The following LTBP2 variants were observed in gnomAD, a reference collection of about 807,000 sequenced individuals.
LTBP2 encodes latent transforming growth factor beta binding protein 2, also known as latent-transforming growth factor beta-binding protein 2.
In LTBP2, 103 loss-of-function variants were observed where a neutral mutation model predicts 210.6. That is an observed-to-expected ratio of 0.49 (90% confidence interval 0.42 to 0.58). LTBP2 has a LOEUF of 0.58. Ranked by LOEUF, LTBP2 falls within the 20% of genes least tolerant of loss-of-function variation. The pLI is 0.00. For missense variants in LTBP2, 2,313 were observed against 2,494.5 expected, an observed-to-expected ratio of 0.93 and a Z score of 1.55; for synonymous variants, 1,007 against 1,015.0, an observed-to-expected ratio of 0.99 and a Z score of 0.15.
Position 74,508,028 on chromosome 14 carries a change from G to C in LTBP2, c.3720C>G (p.Phe1240Leu). The C allele has an allele frequency of 6.2e-7, 1 of 1,613,986 alleles. No homozygotes were observed. The highest frequency in any genetic ancestry group is 2.2e-5 in the East Asian group (1 of 44,878). Residue 1240 changes from phenylalanine (F) to leucine (L), a missense_variant, in exon 25 of 36, where the codon TTC becomes TTG. Around this residue, in one of 3 missense-constraint regions of LTBP2, gnomAD observed 1,867 missense variants for 1,976.9 expected, o/e 0.94. Coordinates refer to ENST00000261978, the MANE Select transcript of LTBP2 (RefSeq NM_000428.3). ...GGHCVNTEGS[F>L]NCLCETGFQP... Reference sequence around the variant, plus strand: ...GGAAGCCAGTCTCACATAGACAGTTGAAGGAGCCCTCGGTGTTGACACAGT... The same window carrying C: ...GGAAGCCAGTCTCACATAGACAGTTCAAGGAGCCCTCGGTGTTGACACAGT...
intron 2 of LTBP2, among the ~76,000 whole-genome samples, chr14:74,590,456 T>A (rs1415330923): frequency 2.0e-5 from 3 of 152,174 alleles, no homozygotes; most frequent in African/African-American, 7.2e-5. Flanking sequence ...ATACAAAAAA[T>A]TAACCAGGTG....
intron 3 of LTBP2, chr14:74,559,933 G>C (rs2087772971): frequency 6.6e-6 from 1 of 152,156 alleles, no homozygotes; most frequent in Non-Finnish European, 1.5e-5. Context: ...TCTACTATCA[G>C]CCTTGGAAGA....
At chr14:74,516,125 G>A (rs992371213) in intron 18 of LTBP2, among the ~76,000 whole-genome samples, 22 of 152,312 alleles carry the variant, frequency 1.4e-4, no homozygotes, top group Admixed American at 4.6e-4. Context: ...CTTGGACTGC[G>A]CCTGGATTTA....
intron 2 of LTBP2, among the ~76,000 whole-genome samples, chr14:74,589,804 T>G (rs1377045582): frequency 1.3e-5 from 2 of 151,932 alleles, no homozygotes; most frequent in African/African-American, 4.8e-5. Flanking sequence ...AGGGAGGGAA[T>G]AGAATGGGAA....
chr14:74,555,421 G>A, intron 4 of LTBP2, 82 bp downstream of exon 4: 1 of 1,395,442 alleles, frequency 7.2e-7, no homozygotes, highest in Non-Finnish European at 1.0e-6. Context: ...GCCCCTCTGT[G>A]AGAGCAGAGG....
intron 31 of LTBP2, 96 bp downstream of exon 31, chr14:74,503,830 G>T: frequency 6.5e-7 from 1 of 1,546,162 alleles, no homozygotes; most frequent in South Asian, 1.2e-5. Context: ...TAGGAAGGGG[G>T]ACTCTCAGCA....
At chr14:74,555,424 A>T in intron 4 of LTBP2, 79 bp downstream of exon 4, 2 of 1,418,734 alleles carry the variant, frequency 1.4e-6, no homozygotes, top group Non-Finnish European at 2.0e-6. Flanking sequence ...CCTCTGTGAG[A>T]GCAGAGGGGG....
rs925910656 is a variant in LTBP2 at position 74,611,980 on chromosome 14, C to T, written c.-36G>A. 6.6e-7 allele frequency: 1 copy of T among 1,519,644 alleles called. No individual in the cohort carries two copies. The highest frequency in any genetic ancestry group is 8.8e-7 in the Non-Finnish European group (1 of 1,142,828). The allele number at this position is 1,519,644 out of a possible 1,614,324, so 94.1% of individuals were successfully genotyped here. On this transcript the variant is annotated 5_prime_UTR_variant, in exon 1 of 36. In the 5' UTR this introduces an upstream ATG that the reference lacks. Transcript: ENST00000261978. ...GGCTGGAGAGTGGTGCGCGCGGGCACCGCGAAGAGCTTTGTGGTCGGCACG... is the reference window on the plus strand; with the variant it reads ...GGCTGGAGAGTGGTGCGCGCGGGCATCGCGAAGAGCTTTGTGGTCGGCACG...
chr14:74,577,005 G>A (rs2088066979), intron 3 of LTBP2, among the ~76,000 whole-genome samples: 1 of 152,148 alleles, frequency 6.6e-6, no homozygotes, highest in Non-Finnish European at 1.5e-5. Context: ...GCTTAGTGAT[G>A]TTAAGTGGCT....
In LTBP2 at chr14:74,611,949, C is replaced by T. The variant is rs773265327; in HGVS notation, c.-5G>A. 4 of 1,571,564 alleles carry T rather than the reference C, an allele frequency of 2.5e-6. No individual in the cohort carries two copies. The African/African-American group carries it at 4.1e-5, about 16-fold the overall frequency. On this transcript the variant is annotated 5_prime_UTR_variant, in exon 1 of 36. Coordinates refer to ENST00000261978, the MANE Select transcript of LTBP2 (RefSeq NM_000428.3). ...GGCTTTGGTCCGCGGCCTCATGGCG[C>T]GGGGCGGCTGGAGAGTGGTGCGCGC...
rs549571526 is a variant in LTBP2, at chr14:74,612,089, G to A, written c.-145C>T. 8 of 855,262 alleles carry A rather than the reference G, an allele frequency of 9.4e-6. No homozygotes were observed. In the East Asian group the frequency reaches 1.3e-4, roughly 14 times the overall value. 53.0% of individuals were successfully genotyped at this position (855,262 alleles called of 1,614,324 possible). On this transcript the variant is annotated 5_prime_UTR_variant, in exon 1 of 36. Transcript: ENST00000261978. ...GGGGGCCCTGAAGCGGCCGACTGGG[G>A]GCCCGGCTCTCGGCGGAACGAGGGC...
At position 74,527,233 on chromosome 14, in the gene LTBP2, C is replaced by T. The variant is rs2087284768; in HGVS notation, c.2388+114G>A. The T allele has an allele frequency of 6.1e-6, 8 of 1,303,498 alleles. No homozygotes were observed. The South Asian group carries it at 7.6e-5, about 12-fold the overall frequency. 80.7% of individuals were successfully genotyped at this position (1,303,498 alleles called of 1,614,324 possible). On this transcript the variant is annotated intron_variant, in intron 13 of 35. Coordinates refer to ENST00000261978, the MANE Select transcript of LTBP2 (RefSeq NM_000428.3). The stretch of plus-strand genomic sequence containing the variant: ...CTCTTCAAGTAAAATCTAACAGATA[C>T]TCCATCTTTCTCCCTCTCCCTCCCT...
intron 26 of LTBP2, 70 bp from the exon 27 acceptor site, chr14:74,506,893 G>C (rs1464817555): frequency 3.6e-5 from 57 of 1,592,598 alleles, no homozygotes; most frequent in Non-Finnish European, 4.7e-5. Context: ...GCGCGCGTGT[G>C]TGCTCACTCT....
chr14:74,566,494 C>T (rs2087904049), intron 3 of LTBP2, among the ~76,000 whole-genome samples: 1 of 152,216 alleles, frequency 6.6e-6, no homozygotes, highest in Non-Finnish European at 1.5e-5. Flanking sequence ...CTTGGTCTCC[C>T]CTGAGGATCT....
At chr14:74,535,491 A>G (rs1348492200) in intron 9 of LTBP2, among the ~76,000 whole-genome samples, 1 of 152,196 alleles carries the variant, frequency 6.6e-6, no homozygotes, top group African/African-American at 2.4e-5. Flanking sequence ...AAGCCTGAGT[A>G]GCTAAAGGTT....
chr14:74,522,497 G>C (rs2087219087), intron 16 of LTBP2, among the ~76,000 whole-genome samples: 1 of 152,064 alleles, frequency 6.6e-6, no homozygotes, highest in Admixed American at 6.5e-5. Context: ...CAGTTTGAGG[G>C]GTGGGCTGAT....
chr14:74,508,987 GGCA>G, intron 22 of LTBP2, 35 bp from the exon 23 acceptor site: 1 of 1,611,388 alleles, frequency 6.2e-7, no homozygotes, highest in Non-Finnish European at 8.5e-7. Context: ...GACAGCCGAT[GGCA>G]GCACCTCCCA....
At chr14:74,543,524 G>GCCTTCCTTCCCGCCCTTTTTCCTTCCTT (rs796244118) in intron 8 of LTBP2, among the ~76,000 whole-genome samples, 1 of 131,018 alleles carries the variant, frequency 7.6e-6, no homozygotes, top group African/African-American at 3.3e-5. Flanking sequence ...CTGCCTGCCT[G>GCCTTCCTTCCCGCCCTTTTTCCTTCCTT]CCTTCCCTCC....
intron 34 of LTBP2, 24 bp from the exon 35 acceptor site, chr14:74,501,614 G>A: frequency 6.2e-7 from 1 of 1,613,660 alleles, no homozygotes; most frequent in East Asian, 2.2e-5. Flanking sequence ...ATCGGAGAGA[G>A]GAGGAGGCTG....
Sources: allele counts gnomAD v4.1 joint callset (sites outside exome capture counted in the v4.1 genomes callset), GRCh38; gene constraint gnomAD v4.1.1; regional missense constraint gnomAD v4.1.1; transcripts MANE v1.5; gene names NCBI Gene and HGNC (gene_info 2026-07-23, HGNC 2026-07-21).